BRAF: variants seen among roughly 807,000 people sequenced by gnomAD.
BRAF encodes B-Raf proto-oncogene, serine/threonine kinase.
A neutral mutation model predicts 104.6 loss-of-function variants in BRAF; 16 were observed. The observed-to-expected ratio is 0.15, with a 90% CI of 0.10 to 0.23. The LOEUF is 0.23. BRAF is among the 10% of genes least tolerant of loss of function. BRAF has a pLI of 1.00. For synonymous variants in BRAF, 310 were observed against 341.6 expected, an observed-to-expected ratio of 0.91 and a Z score of 1.02; for missense variants, 541 against 937.3, an observed-to-expected ratio of 0.58 and a Z score of 5.52.
chr7:140,909,889 A>T (rs1320631793), intron 1 of BRAF, among the ~76,000 whole-genome samples: 2 of 152,156 alleles, frequency 1.3e-5, no homozygotes, highest in Non-Finnish European at 2.9e-5. Flanking sequence ...GTCTATGCTC[A>T]CATCATTATG....
chr7:140,903,870 A>G (rs979101004), intron 1 of BRAF, among the ~76,000 whole-genome samples: 2 of 152,236 alleles, frequency 1.3e-5, no homozygotes, highest in Non-Finnish European at 2.9e-5. Context: ...CAGCAGAAGA[A>G]CTACATTTAG....
In BRAF at chr7:140,757,304, T is replaced by C. The variant is rs373125897; in HGVS notation, c.1815-3071A>G. ...TTTTTTGGACTTGACTAGGATTTTT[T>C]TTTTGAGACAGAGTCTCACTCTGTC... On this transcript the variant is annotated intron_variant, in intron 14 of 19. Coordinates refer to ENST00000644969, the MANE Select transcript of BRAF (RefSeq NM_001374258.1). Among the ~76,000 whole-genome samples, 11 of 152,170 alleles carry C rather than the reference T, an allele frequency of 7.2e-5. No homozygotes were observed. The East Asian group carries it at 1.7e-3, about 24-fold the overall frequency.
intron 1 of BRAF, among the ~76,000 whole-genome samples, chr7:140,871,446 T>C (rs1026743342): frequency 6.6e-6 from 1 of 152,150 alleles, no homozygotes; most frequent in African/African-American, 2.4e-5. Context: ...CCATATTCTC[T>C]AAAGCAAGGA....
chr7:140,767,199 C>T (rs1799417412), intron 14 of BRAF, among the ~76,000 whole-genome samples: 1 of 151,702 alleles, frequency 6.6e-6, no homozygotes, highest in Non-Finnish European at 1.5e-5. Context: ...GAGATGGGTT[C>T]CACTATGTTG....
chr7:140,905,782 A>G (rs1816232909), intron 1 of BRAF, among the ~76,000 whole-genome samples: 1 of 152,180 alleles, frequency 6.6e-6, no homozygotes, highest in African/African-American at 2.4e-5. Context: ...ACATTTTTAG[A>G]AGATAACTTA....
intron 14 of BRAF, among the ~76,000 whole-genome samples, chr7:140,774,914 A>G (rs1344758562): frequency 6.6e-6 from 1 of 152,206 alleles, no homozygotes; most frequent in East Asian, 1.9e-4. Flanking sequence ...ATTTTCATTT[A>G]ACAGTTATGT....
rs1796763743 is a variant in BRAF, at chr7:140,739,886, A to T, written c.2173T>A (p.Cys725Ser). 4.3e-6 allele frequency: 7 copies of T among 1,613,552 alleles called. No homozygotes were observed. Among genetic ancestry groups the T allele is most frequent in the African/African-American group, 1.3e-5 (1 of 74,902 alleles). ...SPDLSKVRSN[C>S]PKAMKRLMAE... ...ATTAATCTCTTCATGGCTTTTGGAC[A>T]GTTACTCCGTACCTTACTGAGATCT... is the stretch of plus-strand genomic sequence containing the variant. The change falls in exon 18 of 20, where the codon TGT becomes AGT. Residue 725 changes from cysteine (C) to serine (S), a missense_variant. Around this residue, in one of 10 missense-constraint regions of BRAF, gnomAD observed 129 missense variants for 285.8 expected, o/e 0.45. Transcript: ENST00000644969.
At chr7:140,807,859 T>G in intron 5 of BRAF, 101 bp downstream of exon 5, 1 of 888,300 alleles carries the variant, frequency 1.1e-6, no homozygotes, top group Non-Finnish European at 1.8e-6. Context: ...AAATGTCAGT[T>G]CCAAAATTAC....
rs540625368 is a variant in BRAF, at chr7:140,781,519, A to G, written c.1552+57T>C. 1.2e-4 allele frequency: 175 copies of G among 1,438,274 alleles called. 3 individuals carry two copies. The South Asian group carries it at 1.9e-3, about 16-fold the overall frequency. The allele number at this position is 1,438,274 out of a possible 1,614,324, so 89.1% of individuals were successfully genotyped here. A position where few individuals can be genotyped will look rare whatever the true frequency, so the allele number is the denominator to read the frequency against. On this transcript the variant is annotated intron_variant, in intron 12 of 19. Transcript: ENST00000644969. Reference sequence around the variant, plus strand: ...TTGATGATATTTTTTACAAAATAAAAGTTGTTAAACATATCCTATTATGAC... The same window carrying G: ...TTGATGATATTTTTTACAAAATAAAGGTTGTTAAACATATCCTATTATGAC...
Position 140,850,231 on chromosome 7 carries a change from G to T in BRAF, c.139-19C>A, listed in dbSNP as rs748069130. The stretch of plus-strand genomic sequence containing the variant: ...TCCACACCTAAAAAATATTTCAAAA[G>T]AATTTAAATAAAAATCACTTAGTAT... On this transcript the variant is annotated intron_variant, in intron 1 of 19. Transcript: ENST00000644969. 6.5e-6 allele frequency: 10 copies of T among 1,537,300 alleles called. No homozygotes were observed. Among genetic ancestry groups the T allele is most frequent in the East Asian group, 2.3e-5 (1 of 44,336 alleles).
intron 14 of BRAF, among the ~76,000 whole-genome samples, chr7:140,758,954 C>G (rs1354083563): frequency 3.9e-5 from 6 of 152,216 alleles, no homozygotes; most frequent in African/African-American, 1.2e-4. Context: ...GCTTGGGAAA[C>G]CATTGATAAT....
chr7:140,832,625 T>C (rs764599738), intron 3 of BRAF, among the ~76,000 whole-genome samples: 7 of 152,250 alleles, frequency 4.6e-5, no homozygotes, highest in Non-Finnish European at 1.0e-4. Flanking sequence ...ATACAGTTTT[T>C]CTGAGTATTG....
rs532292412 is a variant in BRAF, at chr7:140,724,186, C to T, written c.*2308G>A. 16 of 1,056,662 alleles carry T rather than the reference C, an allele frequency of 1.5e-5. No homozygotes were observed. The African/African-American group carries it at 2.5e-4, about 16-fold the overall frequency. 65.5% of individuals were successfully genotyped at this position (1,056,662 alleles called of 1,614,324 possible). The stretch of plus-strand genomic sequence containing the variant: ...AAGAAACTGAAATGCTAAGCTTCCT[C>T]CCTAATGGTACCGCCCCTGCCCCTG... On this transcript the variant is annotated 3_prime_UTR_variant, in exon 20 of 20. Coordinates refer to ENST00000644969, the MANE Select transcript of BRAF (RefSeq NM_001374258.1).
chr7:140,745,674 AC>A (rs889775225), intron 17 of BRAF, among the ~76,000 whole-genome samples: 1 of 151,962 alleles, frequency 6.6e-6, no homozygotes, highest in Non-Finnish European at 1.5e-5. Context: ...TTTCAGTATC[AC>A]CCCCAGCACG....
At chr7:140,756,456 C>T (rs1353904780) in intron 14 of BRAF, among the ~76,000 whole-genome samples, 1 of 151,960 alleles carries the variant, frequency 6.6e-6, no homozygotes, top group African/African-American at 2.4e-5. Context: ...TAATGTTTCA[C>T]AGTAATCACT....
intron 3 of BRAF, among the ~76,000 whole-genome samples, chr7:140,814,788 A>G (rs1364686436): frequency 7.0e-6 from 1 of 142,972 alleles, no homozygotes; most frequent in Non-Finnish European, 1.5e-5. Flanking sequence ...TATATTATAT[A>G]TAACATATAT....
chr7:140,890,336 T>C (rs1479612618), intron 1 of BRAF, among the ~76,000 whole-genome samples: 1 of 152,196 alleles, frequency 6.6e-6, no homozygotes, highest in Admixed American at 6.5e-5. Flanking sequence ...AATGACTATC[T>C]TTTAAACACC....
At chr7:140,752,136 T>C (rs555306654) in intron 16 of BRAF, among the ~76,000 whole-genome samples, 31 of 152,344 alleles carry the variant, frequency 2.0e-4, no homozygotes, top group Admixed American at 1.0e-3. Flanking sequence ...CACAGATCAT[T>C]CATTTTTAAT....
At chr7:140,790,007 G>C (rs1292954421) in intron 8 of BRAF, among the ~76,000 whole-genome samples, 1 of 152,214 alleles carries the variant, frequency 6.6e-6, no homozygotes, top group Non-Finnish European at 1.5e-5. Context: ...TGGGATTACA[G>C]GTGTGAGCCA....
Sources: gnomAD v4.1 joint callset for allele counts (sites outside exome capture counted in the v4.1 genomes callset) on GRCh38, gnomAD v4.1.1 for gene constraint, gnomAD v4.1.1 regional missense constraint, MANE v1.5 for transcripts, NCBI Gene and HGNC (gene_info 2026-07-23, HGNC 2026-07-21) for gene names.